Variants in CRYBG1 observed in about 807,000 individuals in gnomAD.
CRYBG1 encodes beta/gamma crystallin domain-containing protein 1.
In CRYBG1, 139 loss-of-function variants were observed where a neutral mutation model predicts 189.2. The ratio of observed to expected loss-of-function variants is 0.73; its 90% confidence interval spans 0.64 to 0.85. The LOEUF (loss-of-function observed/expected upper bound fraction) is 0.85. Among genes scored for constraint, CRYBG1 ranks in the 40% least tolerant of loss-of-function variants. The probability of loss-of-function intolerance (pLI) is 0.00; values close to 1 mark genes in which losing one functional copy is unlikely to be tolerated. For synonymous variants in CRYBG1, 1,023 were observed against 1,017.1 expected, an observed-to-expected ratio of 1.01 and a Z score of -0.11; for missense variants, 2,611 against 2,675.8, an observed-to-expected ratio of 0.98 and a Z score of 0.53.
intron 2 of CRYBG1, chr6:106,457,045 A>C (rs558034033): frequency 1.8e-4 from 28 of 152,336 alleles, no homozygotes; most frequent in African/African-American, 6.7e-4. Flanking sequence ...AGTCCAACCC[A>C]CAACCCTGCC....
intron 1 of CRYBG1, among the ~76,000 whole-genome samples, chr6:106,431,273 G>A (rs1480992934): frequency 1.3e-5 from 2 of 152,132 alleles, no homozygotes; most frequent in African/African-American, 4.8e-5. Flanking sequence ...TCTCAAAATA[G>A]TCAGCAACCT....
intron 1 of CRYBG1, among the ~76,000 whole-genome samples, chr6:106,416,927 C>T (rs1439451157): frequency 2.2e-5 from 3 of 134,366 alleles, no homozygotes; most frequent in Admixed American, 2.2e-4. Context: ...CAGCTGATTT[C>T]TGTGTTTCTT....
chr6:106,443,006 T>C (rs1328072856), intron 1 of CRYBG1, among the ~76,000 whole-genome samples: 1 of 152,138 alleles, frequency 6.6e-6, no homozygotes, highest in African/African-American at 2.4e-5. Context: ...GATCAATCTA[T>C]TTGTAAAGTT....
At chr6:106,449,257 T>C (rs1255806638) in intron 1 of CRYBG1, 1 of 152,178 alleles carries the variant, frequency 6.6e-6, no homozygotes, top group Non-Finnish European at 1.5e-5. Flanking sequence ...GTAGATTGCT[T>C]TTATCTCTCT....
chr6:106,462,448 C>T (rs982615693), intron 2 of CRYBG1, among the ~76,000 whole-genome samples: 3 of 152,270 alleles, frequency 2.0e-5, no homozygotes, highest in Admixed American at 1.3e-4. Flanking sequence ...CGTGAGCCAC[C>T]GCGCCCGGCC....
chr6:106,497,774 T>C (rs1416987984), intron 2 of CRYBG1, among the ~76,000 whole-genome samples: 1 of 152,162 alleles, frequency 6.6e-6, no homozygotes, highest in Non-Finnish European at 1.5e-5. Context: ...TATAAAGTAC[T>C]TGGCACATGC....
chr6:106,446,919 C>T (rs1433228150), intron 1 of CRYBG1, among the ~76,000 whole-genome samples: 1 of 152,164 alleles, frequency 6.6e-6, no homozygotes, highest in African/African-American at 2.4e-5. Flanking sequence ...GAGGGGCAAT[C>T]TGGTTTTTTA....
In CRYBG1 at chr6:106,520,104, A is replaced by G. The variant is rs1332374631; in HGVS notation, c.2896A>G (p.Ser966Gly). The change falls in exon 4 of 22, where the codon AGC becomes GGC. Residue 966 changes from serine (S) to glycine (G), a missense_variant. Around this residue, in one of 3 missense-constraint regions of CRYBG1, gnomAD observed 1,622 missense variants for 1,735.0 expected, o/e 0.93. Transcript: ENST00000633556. ...CAGGTCCTTCGTGCTCCCCGTGGAG[A>G]GCACCCAGGATGTGAGCTCCCAGGT... ...QVRSFVLPVE[S>G]TQDVSSQVIP... The G allele has an allele frequency of 6.2e-7, 1 of 1,613,938 alleles. No homozygotes were observed. The highest frequency in any genetic ancestry group is 8.5e-7 in the Non-Finnish European group (1 of 1,180,026).
chr6:106,371,593 T>C (rs1189510743), intron 1 of CRYBG1, among the ~76,000 whole-genome samples: 2 of 152,222 alleles, frequency 1.3e-5, no homozygotes, highest in Non-Finnish European at 2.9e-5. Flanking sequence ...AACAATTTTG[T>C]CTGGAGTGGA....
intron 4 of CRYBG1, among the ~76,000 whole-genome samples, chr6:106,521,923 G>A (rs1424819554): frequency 2.0e-5 from 3 of 151,930 alleles, no homozygotes; most frequent in African/African-American, 7.2e-5. Flanking sequence ...ATACAAATAC[G>A]GGGGTTTTAC....
intron 4 of CRYBG1, among the ~76,000 whole-genome samples, chr6:106,521,745 G>C: frequency 9.3e-6 from 1 of 107,450 alleles, no homozygotes. Context: ...TTGAGACAGA[G>C]TCTCGCTCTG....
intron 1 of CRYBG1, among the ~76,000 whole-genome samples, chr6:106,394,280 T>G (rs2114342772): frequency 6.6e-6 from 1 of 152,352 alleles, no homozygotes; most frequent in African/African-American, 2.4e-5. Context: ...TGAAGGAACA[T>G]ATTTCATTTT....
rs1485568151 is a variant in CRYBG1, at chr6:106,535,942, G to A, written c.4719-3461G>A. ...TGGGACTACAGGCGCCCGCCACCGCGCCCGGCTAATTTTTTGTATTTTTAG... is the reference window on the plus strand; with the variant it reads ...TGGGACTACAGGCGCCCGCCACCGCACCCGGCTAATTTTTTGTATTTTTAG... On this transcript the variant is annotated intron_variant, in intron 8 of 21. Coordinates refer to ENST00000633556, the MANE Select transcript of CRYBG1 (RefSeq NM_001371242.2). Among the ~76,000 whole-genome samples, 4 of 11,850 alleles carry A rather than the reference G, an allele frequency of 3.4e-4. 2 individuals are homozygous for A. The highest frequency in any genetic ancestry group is 6.6e-4 in the Non-Finnish European group (4 of 6,050). 7.8% of individuals were successfully genotyped at this position (11,850 alleles called of 152,430 possible).
chr6:106,468,562 TG>T (rs1409624203), intron 2 of CRYBG1, among the ~76,000 whole-genome samples: 4 of 152,188 alleles, frequency 2.6e-5, no homozygotes, highest in Admixed American at 6.5e-5. Context: ...TGATGGCGTG[TG>T]CCTGTAGTCT....
Position 106,552,189 on chromosome 6 carries a change from T to G in CRYBG1, c.5445T>G (p.Ser1815=). The change falls in exon 15 of 22, where the codon TCT becomes TCG. Residue 1815 remains serine (S), a synonymous_variant. Coordinates refer to ENST00000633556, the MANE Select transcript of CRYBG1 (RefSeq NM_001371242.2). ...CTTCCTTTAAAAATTTTTAGGATTC[T>G]TTCACTGGCCCAAGGAGACGAAATC... The part of the protein sequence containing the change: ...ISSVQPICLD[S]FTGPRRRNQI... 1 of 1,587,530 alleles carries G rather than the reference T, an allele frequency of 6.3e-7. No homozygotes were observed. The highest frequency in any genetic ancestry group is 1.1e-5 in the South Asian group (1 of 87,090).
intron 1 of CRYBG1, among the ~76,000 whole-genome samples, chr6:106,416,750 TA>T (rs1233143260): frequency 1.3e-5 from 2 of 152,242 alleles, no homozygotes; most frequent in African/African-American, 2.4e-5. Context: ...TAGTATTCAT[TA>T]TACACATTGT....
At chr6:106,504,628 C>T (rs1773089591) in intron 2 of CRYBG1, among the ~76,000 whole-genome samples, 1 of 151,868 alleles carries the variant, frequency 6.6e-6, no homozygotes, top group African/African-American at 2.4e-5. Flanking sequence ...TTTCTTTATT[C>T]TTTTTGCTGT....
Position 106,448,575 on chromosome 6 carries a change from G to A in CRYBG1, c.174-3119G>A, listed in dbSNP as rs533201300. On this transcript the variant is annotated intron_variant, in intron 1 of 21. Coordinates refer to ENST00000633556, the MANE Select transcript of CRYBG1 (RefSeq NM_001371242.2). The stretch of plus-strand genomic sequence containing the variant: ...GTTCACAGGGTTCAACACGCTACAA[G>A]GCCCAAATTATGAAAGTTCCTACTC... 1.8e-4 allele frequency among the ~76,000 whole-genome samples: 28 copies of A among 152,226 alleles called. No individual in the cohort carries two copies. The South Asian group carries it at 4.4e-3, about 24-fold the overall frequency.
At chr6:106,388,544 T>C (rs748863009) in intron 1 of CRYBG1, among the ~76,000 whole-genome samples, 4 of 152,210 alleles carry the variant, frequency 2.6e-5, no homozygotes, top group Non-Finnish European at 5.9e-5. Context: ...TGTAATTTTA[T>C]GTGTGTTAAA....
Sources: gnomAD v4.1 joint callset for allele counts (sites outside exome capture counted in the v4.1 genomes callset) on GRCh38, gnomAD v4.1.1 for gene constraint, gnomAD v4.1.1 regional missense constraint, MANE v1.5 for transcripts, NCBI Gene and HGNC (gene_info 2026-07-23, HGNC 2026-07-21) for gene names.